Variants in DPYD observed in about 807,000 individuals in gnomAD.
DPYD encodes the protein dihydropyrimidine dehydrogenase [NADP(+)].
A neutral mutation model predicts 116.2 loss-of-function variants in DPYD; 109 were observed. The ratio of observed to expected loss-of-function variants is 0.94; its 90% CI spans 0.80 to 1.10. The LOEUF is 1.10. Ranked by LOEUF, DPYD falls within the 50% of genes least tolerant of loss-of-function variation. The pLI, the probability that DPYD is intolerant of heterozygous loss-of-function variation, is 0.00. For missense variants in DPYD, 1,302 were observed against 1,254.5 expected, an observed-to-expected ratio of 1.04 and a Z score of -0.57; for synonymous variants, 440 against 432.0, an observed-to-expected ratio of 1.02 and a Z score of -0.23.
chr1:97,597,944 T>C (rs1654991276), intron 8 of DPYD, among the ~76,000 whole-genome samples: 1 of 152,184 alleles, frequency 6.6e-6, no homozygotes, highest in Non-Finnish European at 1.5e-5. Context: ...CTCTCATGGA[T>C]GTGAGATTTT....
intron 19 of DPYD, among the ~76,000 whole-genome samples, chr1:97,218,468 C>T (rs1660560538): frequency 6.6e-6 from 1 of 151,576 alleles, no homozygotes; most frequent in African/African-American, 2.4e-5. Context: ...GTTCTCAGAG[C>T]TTGGTTATAT....
rs751418176 is a variant in DPYD, at chr1:97,691,702, G to GT, written c.762+14dup. The stretch of plus-strand genomic sequence containing the variant: ...CTTTTTGAGCAGTACACAGATAGGT[G>GT]TTTTTTTCATTTACCTTTACACCAA... On this transcript the variant is annotated intron_variant, in intron 7 of 22. Coordinates refer to ENST00000370192, the MANE Select transcript of DPYD (RefSeq NM_000110.4). The GT allele has an allele frequency of 3.2e-5, 52 of 1,608,066 alleles. No individual in the cohort carries two copies. In the African/African-American group the frequency reaches 5.9e-4, roughly 18 times the overall value.
At chr1:97,262,913 T>C (rs1206183315) in intron 18 of DPYD, among the ~76,000 whole-genome samples, 3 of 152,072 alleles carry the variant, frequency 2.0e-5, no homozygotes, top group Admixed American at 6.6e-5. Flanking sequence ...GCATTTAAGA[T>C]ACAGTGCAAA....
intron 20 of DPYD, among the ~76,000 whole-genome samples, chr1:97,164,035 C>G (rs1414741924): frequency 2.6e-5 from 4 of 152,172 alleles, no homozygotes; most frequent in Non-Finnish European, 5.9e-5. Context: ...CAACAAAATA[C>G]TGGCAAACCA....
At chr1:97,497,461 T>C (rs1679336014) in intron 13 of DPYD, among the ~76,000 whole-genome samples, 1 of 151,856 alleles carries the variant, frequency 6.6e-6, no homozygotes, top group Non-Finnish European at 1.5e-5. Flanking sequence ...CCACACTTTC[T>C]GAATAAGGGG....
At chr1:97,206,674 ATATATATATAT>A (rs1659644584) in intron 19 of DPYD, among the ~76,000 whole-genome samples, 1 of 101,364 alleles carries the variant, frequency 9.9e-6, no homozygotes, top group East Asian at 3.5e-4. Flanking sequence ...ATATATATAT[ATATATATATAT>A]ATAATCTATA....
chr1:97,738,580 G>A (rs1664088536), intron 4 of DPYD, among the ~76,000 whole-genome samples: 2 of 152,094 alleles, frequency 1.3e-5, no homozygotes, highest in Non-Finnish European at 2.9e-5. Context: ...ATGTGGGACA[G>A]CCTACATTGT....
At chr1:97,156,913 TAC>T (rs1404195274) in intron 20 of DPYD, among the ~76,000 whole-genome samples, 1 of 151,882 alleles carries the variant, frequency 6.6e-6, no homozygotes, top group Non-Finnish European at 1.5e-5. Context: ...GTGGCACATA[TAC>T]ACCATGGAAT....
intron 8 of DPYD, among the ~76,000 whole-genome samples, chr1:97,640,510 T>C (rs1177867301): frequency 1.3e-5 from 2 of 152,100 alleles, no homozygotes; most frequent in Non-Finnish European, 2.9e-5. Flanking sequence ...GGTTTCACCA[T>C]GTTGGTCAGG....
At chr1:97,366,923 G>A (rs1390554235) in intron 16 of DPYD, among the ~76,000 whole-genome samples, 1 of 151,950 alleles carries the variant, frequency 6.6e-6, no homozygotes, top group Non-Finnish European at 1.5e-5. Flanking sequence ...TTCAACTCTG[G>A]GAAATATGGA....
chr1:97,868,148 G>A (rs911211116), intron 2 of DPYD, among the ~76,000 whole-genome samples: 1 of 150,332 alleles, frequency 6.7e-6, no homozygotes, highest in African/African-American at 2.4e-5. Context: ...ATATAATTAA[G>A]AACAAATGTT....
chr1:97,196,756 C>T (rs1658841532), intron 19 of DPYD, among the ~76,000 whole-genome samples: 1 of 152,082 alleles, frequency 6.6e-6, no homozygotes, highest in Non-Finnish European at 1.5e-5. Context: ...AAAGTGGTGG[C>T]ACCAGAATTC....
intron 12 of DPYD, among the ~76,000 whole-genome samples, chr1:97,530,261 A>G (rs1456846988): frequency 7.9e-6 from 1 of 125,976 alleles, no homozygotes; most frequent in Non-Finnish European, 1.6e-5. Context: ...TCTGTCACCC[A>G]GGCTGGAGTG....
intron 14 of DPYD, among the ~76,000 whole-genome samples, chr1:97,443,202 A>G (rs1456697878): frequency 6.6e-6 from 1 of 152,190 alleles, no homozygotes; most frequent in Non-Finnish European, 1.5e-5. Context: ...TTAACCACTC[A>G]TATTTTAAAT....
At chr1:97,761,459 C>A (rs760228269) in intron 3 of DPYD, among the ~76,000 whole-genome samples, 35 of 151,846 alleles carry the variant, frequency 2.3e-4, no homozygotes, top group Non-Finnish European at 1.0e-4. Context: ...CTAAAATAAG[C>A]CAAGCAGAAA....
intron 3 of DPYD, among the ~76,000 whole-genome samples, chr1:97,802,027 G>A (rs1441922111): frequency 6.6e-6 from 1 of 151,730 alleles, no homozygotes; most frequent in Non-Finnish European, 1.5e-5. Flanking sequence ...TATATCAATT[G>A]AGCTTTTACT....
intron 3 of DPYD, among the ~76,000 whole-genome samples, chr1:97,804,465 T>C (rs1221125135): frequency 2.0e-5 from 3 of 151,834 alleles, no homozygotes; most frequent in Non-Finnish European, 3.0e-5. Flanking sequence ...TACAATTTCA[T>C]TAAGAAAAAT....
At chr1:97,412,264 T>C (rs1351374080) in intron 14 of DPYD, among the ~76,000 whole-genome samples, 1 of 152,204 alleles carries the variant, frequency 6.6e-6, no homozygotes, top group Non-Finnish European at 1.5e-5. Context: ...GATAATACAC[T>C]GAAGGCTTGA....
At chr1:97,367,297 T>C (rs765586126) in intron 16 of DPYD, among the ~76,000 whole-genome samples, 3 of 151,732 alleles carry the variant, frequency 2.0e-5, no homozygotes, top group Non-Finnish European at 4.4e-5. Flanking sequence ...AAAAAAAACA[T>C]ACAGTTTTAT....
Sources: gnomAD v4.1 joint callset for allele counts (sites outside exome capture counted in the v4.1 genomes callset) on GRCh38, gnomAD v4.1.1 for gene constraint, MANE v1.5 for transcripts, NCBI Gene and HGNC (gene_info 2026-07-23, HGNC 2026-07-21) for gene names.